SYNE1: variants seen among roughly 807,000 people sequenced by gnomAD.
SYNE1 encodes the protein nesprin-1.
In SYNE1, 616 loss-of-function variants were observed where a neutral mutation model predicts 1,111.0. That is an observed-to-expected ratio of 0.55 (90% CI 0.52 to 0.59). The LOEUF (loss-of-function observed/expected upper bound fraction) is 0.59, where lower values mean the gene tolerates loss of function less well. Ranked by LOEUF, SYNE1 falls within the 20% of genes least tolerant of loss-of-function variation. SYNE1 has a pLI of 0.00. For synonymous variants in SYNE1, 3,855 were observed against 3,825.8 expected, an observed-to-expected ratio of 1.01 and a Z score of -0.28; for missense variants, 10,006 against 10,417.0, an observed-to-expected ratio of 0.96 and a Z score of 1.72.
At position 152,458,761 on chromosome 6, in the gene SYNE1, T is replaced by A. The variant is rs2098713494; in HGVS notation, c.2564A>T (p.His855Leu). 7.4e-6 allele frequency: 12 copies of A among 1,613,944 alleles called. No homozygotes were observed. The highest frequency in any genetic ancestry group is 1.0e-5 in the Non-Finnish European group (12 of 1,179,946). The change falls in exon 22 of 146, where the codon CAT becomes CTT. Residue 855 changes from histidine to leucine, a missense_variant. Physicochemically the swap from His to Leu is moderately conservative, Grantham distance 99 (BLOSUM62 -3). Transcript: ENST00000367255. The part of the protein sequence containing the change: ...AQSSALFKQK[H>L]QELLACQENC... ...CCTGAAAAGGATTGTTCTCACCTGA[T>A]GTTTTTGTTTAAAAAGGGCACTCGA...
At chr6:152,138,889 C>A (rs1020674200) in intron 140 of SYNE1, among the ~76,000 whole-genome samples, 1 of 152,140 alleles carries the variant, frequency 6.6e-6, no homozygotes, top group Non-Finnish European at 1.5e-5. Flanking sequence ...TATATCCATG[C>A]GGGCCAAGCC....
At chr6:152,180,872 G>A (rs2067830697) in intron 128 of SYNE1, among the ~76,000 whole-genome samples, 1 of 151,956 alleles carries the variant, frequency 6.6e-6, no homozygotes, top group South Asian at 2.1e-4. Context: ...TGGACTCCAG[G>A]CAAGTTCCTC....
rs2092876661 is a variant in SYNE1, at chr6:152,268,118, T to C, written c.18753A>G (p.Val6251=). ...TTAGAATCTCCTCTCCACGACTGGC[T>C]ACTGAGCGAAGGAGACTCTTCTGCT... ...LAEQKSLLRS[V]ASRGEEILIQ... is the part of the protein sequence containing the mutation. The change falls in exon 100 of 146, where the codon GTA becomes GTG. Residue 6251 remains valine (V), a synonymous_variant. Coordinates refer to ENST00000367255, the MANE Select transcript of SYNE1 (RefSeq NM_182961.4). 6.2e-7 allele frequency: 1 copy of C among 1,614,174 alleles called. No homozygotes were observed. The highest frequency in any genetic ancestry group is 8.5e-7 in the Non-Finnish European group (1 of 1,180,004).
At chr6:152,506,096 T>A (rs1179059082) in intron 8 of SYNE1, among the ~76,000 whole-genome samples, 1 of 152,248 alleles carries the variant, frequency 6.6e-6, no homozygotes, top group African/African-American at 2.4e-5. Flanking sequence ...GTAAATCTTT[T>A]TTCTTTGATG....
chr6:152,329,770 T>C lies in SYNE1; in HGVS notation c.14915A>G (p.Glu4972Gly). The change falls in exon 78 of 146, where the codon GAG (glutamate) becomes GGG (glycine). Residue 4972 changes from glutamate to glycine, a missense_variant. This residue lies in a region of SYNE1 where 4,955 missense variants were observed against 5,017.2 expected (regional missense o/e 0.99). Transcript: ENST00000367255. ...GGCTTCCTGGATGTCTCCATCCAGC[T>C]CTGAGAGCTCAGCGAGGCTGTGTTC... ...DLEHSLAELS[E>G]LDGDIQEALR... 1.2e-6 allele frequency: 2 copies of C among 1,614,206 alleles called. No individual in the cohort carries two copies. The highest frequency in any genetic ancestry group is 2.2e-5 in the South Asian group (2 of 91,088).
At chr6:152,234,064 T>C (rs774002262) in intron 111 of SYNE1, 101 bp from the exon 112 acceptor site, 15 of 1,222,464 alleles carry the variant, frequency 1.2e-5, no homozygotes, top group Non-Finnish European at 1.6e-5. Flanking sequence ...CTTTACATCC[T>C]GGAGGGGGTT....
chr6:152,138,308 C>T (rs529420033), intron 140 of SYNE1, among the ~76,000 whole-genome samples: 1 of 151,822 alleles, frequency 6.6e-6, no homozygotes, highest in Non-Finnish European at 1.5e-5. Flanking sequence ...GTCAGGAATT[C>T]GAGACCAGCC....
At chr6:152,450,498 T>C in intron 27 of SYNE1, 127 bp downstream of exon 27, 1 of 961,974 alleles carries the variant, frequency 1.0e-6, no homozygotes, top group Non-Finnish European at 1.7e-6. Flanking sequence ...TTTTATTAAA[T>C]GAAGGATTTT....
intron 59 of SYNE1, 78 bp from the exon 60 acceptor site, chr6:152,369,692 G>A: frequency 6.4e-7 from 1 of 1,557,854 alleles, no homozygotes; most frequent in South Asian, 1.1e-5. Context: ...GGCATTCAAA[G>A]TCCACCCAGG....
rs746078505 is a variant in SYNE1 at position 152,353,373 on chromosome 6, T to G, written c.11143A>C (p.Ser3715Arg). Residue 3715 changes from serine (S) to arginine (R), a missense_variant, in exon 69 of 146, where the codon AGT (serine) becomes CGT (arginine). Transcript: ENST00000367255. ...GAGCCATACCAATCAGAATAGGAAC[T>G]GAGGGATGATTCTGATTCCTCCAAA... ...QSLEESESSL[S>R]SYSDWYGSTH... 1 of 1,614,252 alleles carries G rather than the reference T, an allele frequency of 6.2e-7. No individual in the cohort carries two copies. Among genetic ancestry groups the G allele is most frequent in the Non-Finnish European group, 8.5e-7 (1 of 1,180,042 alleles).
chr6:152,577,157 C>T (rs1196067939), intron 3 of SYNE1, among the ~76,000 whole-genome samples: 2 of 152,062 alleles, frequency 1.3e-5, no homozygotes, highest in African/African-American at 2.4e-5. Context: ...AGTGGCTCAA[C>T]GATAGAAAGA....
chr6:152,221,031 C>A lies in SYNE1; in HGVS notation c.21672G>T (p.Leu7224=). ...KEVNMRWNNL[L]EEIAEQLQSS... Reference sequence around the variant, plus strand: ...ACTGTAGCTGCTCAGCAATCTCTTCCAGCAAGTTATTCCATCTGGAAATAA... The same window carrying A: ...ACTGTAGCTGCTCAGCAATCTCTTCAAGCAAGTTATTCCATCTGGAAATAA... Residue 7224 remains leucine (L), a synonymous_variant, in exon 119 of 146, where the codon CTG becomes CTT. Transcript: ENST00000367255. The A allele has an allele frequency of 1.9e-6, 3 of 1,614,072 alleles. No individual in the cohort carries two copies. The highest frequency in any genetic ancestry group is 2.5e-6 in the Non-Finnish European group (3 of 1,179,996).
rs564671198 is a variant in SYNE1 at position 152,381,557 on chromosome 6, T to C, written c.8653-195A>G. The C allele has an allele frequency of 6.5e-4, 407 of 625,926 alleles. 2 individuals carry two copies. In the African/African-American group the frequency reaches 6.6e-3, roughly 10 times the overall value. The allele number at this position is 625,926 out of a possible 1,614,324, so 38.8% of individuals were successfully genotyped here. On this transcript the variant is annotated intron_variant, in intron 55 of 145. Transcript: ENST00000367255. ...TGTCATCACGAGTGCCTAAGGCTTA[T>C]GGCAAAAAAATCCCGAGAATCCTCA... is the stretch of plus-strand genomic sequence containing the variant.
chr6:152,447,779 T>C (rs1357174455), intron 28 of SYNE1, among the ~76,000 whole-genome samples, 157 bp from the exon 29 acceptor site: 1 of 152,260 alleles, frequency 6.6e-6, no homozygotes, highest in Non-Finnish European at 1.5e-5. Context: ...TTTTTGTATG[T>C]ACTTTTAACA....
intron 45 of SYNE1, among the ~76,000 whole-genome samples, chr6:152,405,131 T>C (rs2097877625): frequency 1.3e-5 from 2 of 152,218 alleles, no homozygotes; most frequent in African/African-American, 4.8e-5. Context: ...CTCACTATAC[T>C]GCAGCGGGAA....
At position 152,130,763 on chromosome 6, in the gene SYNE1, T is replaced by G. The variant is rs754231555; in HGVS notation, c.26110A>C (p.Ser8704Arg). 1 of 1,614,198 alleles carries G rather than the reference T, an allele frequency of 6.2e-7. No individual in the cohort carries two copies. The highest frequency in any genetic ancestry group is 8.5e-7 in the Non-Finnish European group (1 of 1,180,032). ...ACAGAGGGTCCAGGCTGTGAGAGACTACACTTGCCTCGTGGCTGTTTGCAA... is the reference window on the plus strand; with the variant it reads ...ACAGAGGGTCCAGGCTGTGAGAGACGACACTTGCCTCGTGGCTGTTTGCAA... ...NRQKTPRGKC[S>R]LSQPGPSVSS... Residue 8704 changes from serine to arginine, a missense_variant, in exon 145 of 146, where the codon AGT (serine) becomes CGT (arginine). Ser to Arg is a moderately radical substitution (Grantham distance 110). This residue lies in a region of SYNE1 where 761 missense variants were observed against 795.5 expected (regional missense o/e 0.96). Transcript: ENST00000367255.
chr6:152,310,125 A>G, intron 89 of SYNE1, 108 bp from the exon 90 acceptor site: 1 of 1,365,186 alleles, frequency 7.3e-7, no homozygotes, highest in Non-Finnish European at 1.0e-6. Flanking sequence ...ATTTTGCAAA[A>G]AAAAAAAAAT....
intron 4 of SYNE1, among the ~76,000 whole-genome samples, chr6:152,536,305 A>G: frequency 6.9e-6 from 1 of 145,388 alleles, no homozygotes; most frequent in East Asian, 2.0e-4. Flanking sequence ...TACCAAATCC[A>G]ATGTTCTGCG....
rs547928017 is a variant in SYNE1, at chr6:152,504,016, T to G, written c.778+1185A>C. Among the ~76,000 whole-genome samples the G allele has an allele frequency of 3.3e-5, 5 of 152,274 alleles. No individual in the cohort carries two copies. In the South Asian group the frequency reaches 1.0e-3, roughly 32 times the overall value. ...TTAGAGGAATGTCTTATATCTAGGA[T>G]AGCCTTGTATTTAGGCAACCTCAGT... On this transcript the variant is annotated intron_variant, in intron 9 of 145. Coordinates refer to ENST00000367255, the MANE Select transcript of SYNE1 (RefSeq NM_182961.4).
Sources: allele counts gnomAD v4.1 joint callset (sites outside exome capture counted in the v4.1 genomes callset), GRCh38; gene constraint gnomAD v4.1.1; regional missense constraint gnomAD v4.1.1; transcripts MANE v1.5; gene names NCBI Gene and HGNC (gene_info 2026-07-23, HGNC 2026-07-21).